ERC2: variants seen among roughly 807,000 people sequenced by gnomAD.
The protein encoded by ERC2 is ERC protein 2.
Under a neutral mutation model 114.8 loss-of-function variants are expected in ERC2, and 42 were observed. The ratio of observed to expected loss-of-function variants is 0.37; its 90% confidence interval spans 0.29 to 0.47. The LOEUF is 0.47. Among genes scored for constraint, ERC2 ranks in the 20% least tolerant of loss-of-function variants. The pLI, the probability that ERC2 is intolerant of heterozygous loss-of-function variation, is 0.99. For missense variants in ERC2, 939 were observed against 1,150.7 expected, an observed-to-expected ratio of 0.82 and a Z score of 2.66; for synonymous variants, 454 against 425.5, an observed-to-expected ratio of 1.07 and a Z score of -0.82.
chr3:56,349,000 GA>G, intron 2 of ERC2, among the ~76,000 whole-genome samples: 1 of 151,144 alleles, frequency 6.6e-6, no homozygotes, highest in Non-Finnish European at 1.5e-5. Flanking sequence ...AAGAAAGAAA[GA>G]ATTTAGTAAC....
intron 3 of ERC2, among the ~76,000 whole-genome samples, chr3:56,272,904 T>C (rs555739819): frequency 6.6e-6 from 1 of 152,274 alleles, no homozygotes; most frequent in African/African-American, 2.4e-5. Flanking sequence ...TTGCATCCAA[T>C]AAGCAAAGTC....
At chr3:56,343,588 A>G (rs1398107571) in intron 2 of ERC2, among the ~76,000 whole-genome samples, 1 of 152,102 alleles carries the variant, frequency 6.6e-6, no homozygotes, top group Non-Finnish European at 1.5e-5. Context: ...ACTGCATTCC[A>G]GCCTCGGCAA....
intron 14 of ERC2, among the ~76,000 whole-genome samples, chr3:55,849,219 A>G (rs1237447947): frequency 9.9e-5 from 15 of 151,994 alleles, no homozygotes; most frequent in Admixed American, 9.8e-4. Context: ...CACCATATGA[A>G]TCCAGATTCT....
chr3:55,899,507 G>A (rs1369775571), intron 13 of ERC2, among the ~76,000 whole-genome samples: 1 of 152,136 alleles, frequency 6.6e-6, no homozygotes, highest in African/African-American at 2.4e-5. Flanking sequence ...GTGAGTGTGT[G>A]TGTGTGAGAG....
chr3:55,797,045 A>G (rs112825863), intron 14 of ERC2, among the ~76,000 whole-genome samples: 2 of 152,362 alleles, frequency 1.3e-5, no homozygotes, highest in African/African-American at 4.8e-5. Context: ...TGGAAAATTA[A>G]GATGAACAAA....
intron 11 of ERC2, among the ~76,000 whole-genome samples, chr3:55,989,863 C>G (rs2070920328): frequency 6.6e-6 from 1 of 152,104 alleles, no homozygotes; most frequent in Non-Finnish European, 1.5e-5. Context: ...ACAAATAAAA[C>G]TACTATAATT....
chr3:56,404,649 A>G (rs2060642406), intron 2 of ERC2, among the ~76,000 whole-genome samples: 1 of 152,148 alleles, frequency 6.6e-6, no homozygotes, highest in African/African-American at 2.4e-5. Flanking sequence ...TATGCATTGC[A>G]TGCCTGTAGC....
At chr3:56,213,739 G>C (rs539068727) in intron 3 of ERC2, among the ~76,000 whole-genome samples, 1 of 152,184 alleles carries the variant, frequency 6.6e-6, no homozygotes, top group Admixed American at 6.5e-5. Context: ...CCTGACTCCC[G>C]AGTAGCGTAA....
At position 56,149,053 on chromosome 3, in the gene ERC2, A is replaced by C. The variant is rs760782305; in HGVS notation, c.1229T>G (p.Leu410Arg). 1.2e-6 allele frequency: 2 copies of C among 1,613,502 alleles called. No individual in the cohort carries two copies. The highest frequency in any genetic ancestry group is 2.2e-5 in the East Asian group (1 of 44,848). ...EIQMLKANGV[L>R]NTEDREEEIK... ...CTCTTCTTCGCGGTCCTCAGTGTTC[A>C]GCACACCATTGGCTTTTAACATCTG... Residue 410 changes from leucine to arginine, a missense_variant, in exon 5 of 18, where the codon CTG (leucine) becomes CGG (arginine). By Grantham distance (102) the Leu-to-Arg change is moderately radical. Around this residue, in one of 5 missense-constraint regions of ERC2, gnomAD observed 148 missense variants for 159.1 expected, o/e 0.93. Coordinates refer to ENST00000288221, the MANE Select transcript of ERC2 (RefSeq NM_015576.3).
intron 17 of ERC2, among the ~76,000 whole-genome samples, chr3:55,670,055 C>A (rs1029105279): frequency 1.2e-4 from 18 of 152,144 alleles, no homozygotes; most frequent in African/African-American, 4.1e-4. Flanking sequence ...GCACTGAGCT[C>A]GCATTTTACA....
chr3:56,077,689 TC>T (rs2077038611), intron 7 of ERC2, among the ~76,000 whole-genome samples: 1 of 152,160 alleles, frequency 6.6e-6, no homozygotes, highest in Non-Finnish European at 1.5e-5. Context: ...CCTAATTCAC[TC>T]TCACACCTGG....
intron 6 of ERC2, among the ~76,000 whole-genome samples, chr3:56,093,534 G>T (rs1006260649): frequency 2.0e-5 from 3 of 152,004 alleles, no homozygotes; most frequent in Admixed American, 6.6e-5. Context: ...ACTAGTTCAG[G>T]CCTCCTGAAC....
chr3:55,861,120 C>T (rs145514307), intron 14 of ERC2, among the ~76,000 whole-genome samples: 1 of 152,326 alleles, frequency 6.6e-6, no homozygotes, highest in African/African-American at 2.4e-5. Context: ...TTCTTTCATG[C>T]ATTTTGAAAG....
At chr3:55,702,335 G>C (rs2063266769) in intron 15 of ERC2, among the ~76,000 whole-genome samples, 1 of 152,140 alleles carries the variant, frequency 6.6e-6, no homozygotes, top group Non-Finnish European at 1.5e-5. Flanking sequence ...TGATTAGTCT[G>C]GGCTGGAAGA....
At chr3:56,315,758 G>GA (rs71294731) in intron 2 of ERC2, among the ~76,000 whole-genome samples, 32,891 of 146,622 alleles carry the variant, frequency 0.22, 4,143 homozygotes, top group Non-Finnish European at 0.29. Flanking sequence ...GTCAGAAAGA[G>GA]AAAAAAAAAA....
At chr3:55,837,628 A>C (rs1463974110) in intron 14 of ERC2, among the ~76,000 whole-genome samples, 2 of 151,766 alleles carry the variant, frequency 1.3e-5, no homozygotes. Context: ...GGGTAGGGAT[A>C]GCATTAGGAG....
chr3:56,213,802 T>A (rs1173091468), intron 3 of ERC2, among the ~76,000 whole-genome samples: 1 of 152,106 alleles, frequency 6.6e-6, no homozygotes. Flanking sequence ...AGCCGGGTAC[T>A]CCTCTCAGAC....
At chr3:55,646,467 A>G (rs2060403891) in intron 17 of ERC2, among the ~76,000 whole-genome samples, 1 of 152,228 alleles carries the variant, frequency 6.6e-6, no homozygotes, top group Non-Finnish European at 1.5e-5. Context: ...CTGTTTGTAG[A>G]ATAAAATGGT....
intron 13 of ERC2, among the ~76,000 whole-genome samples, chr3:55,920,808 T>C (rs2065381943): frequency 6.6e-6 from 1 of 152,124 alleles, no homozygotes; most frequent in Non-Finnish European, 1.5e-5. Flanking sequence ...ATTCATTGGA[T>C]GCTCAGTATT....
Sources: allele counts gnomAD v4.1 joint callset (sites outside exome capture counted in the v4.1 genomes callset), GRCh38; gene constraint gnomAD v4.1.1; regional missense constraint gnomAD v4.1.1; transcripts MANE v1.5; gene names NCBI Gene and HGNC (gene_info 2026-07-23, HGNC 2026-07-21).